Variants in MDN1 observed in about 807,000 individuals in gnomAD.
The protein encoded by MDN1 is midasin.
In MDN1, 266 loss-of-function variants were observed where a neutral mutation model predicts 669.2. The ratio of observed to expected loss-of-function variants is 0.40; its 90% confidence interval spans 0.36 to 0.44. MDN1 has a LOEUF of 0.44. Among genes scored for constraint, MDN1 ranks in the 20% least tolerant of loss-of-function variants. The pLI is 1.00. For missense variants in MDN1, 5,940 were observed against 6,754.0 expected (o/e 0.88, Z 4.22); for synonymous variants, 2,385 against 2,457.1 (o/e 0.97, Z 0.87).
chr6:89,768,842 G>C (rs1000078267), intron 15 of MDN1, among the ~76,000 whole-genome samples: 6 of 152,128 alleles, frequency 3.9e-5, no homozygotes, highest in Non-Finnish European at 1.5e-5. Flanking sequence ...GATTCCTTGA[G>C]TTCAGAAGTT....
intron 9 of MDN1, among the ~76,000 whole-genome samples, chr6:89,783,913 C>T (rs1383332993): frequency 2.0e-5 from 3 of 149,860 alleles, no homozygotes; most frequent in Non-Finnish European, 4.4e-5. Context: ...ATATGGGAGG[C>T]GGAGGTTGCA....
intron 97 of MDN1, among the ~76,000 whole-genome samples, chr6:89,649,296 T>C (rs1404745367): frequency 6.6e-6 from 1 of 152,220 alleles, no homozygotes; most frequent in African/African-American, 2.4e-5. Flanking sequence ...CTTGTAAATA[T>C]ATATATTCCT....
chr6:89,648,694 C>CCCACATCTGTG (rs1439148492), intron 97 of MDN1, among the ~76,000 whole-genome samples: 3 of 151,958 alleles, frequency 2.0e-5, no homozygotes, highest in African/African-American at 7.3e-5. Flanking sequence ...ACAGCAAGAC[C>CCCACATCTGTG]CCACATCTGT....
rs770333969 is a variant in MDN1 at position 89,692,583 on chromosome 6, C to A, written c.10447G>T (p.Glu3483Ter). Residue 3483 changes from glutamate to a stop codon, truncating the protein, a stop_gained, in exon 63 of 102, where the codon GAG becomes TAG. Coordinates refer to ENST00000369393, the MANE Select transcript of MDN1 (RefSeq NM_014611.3). LOFTEE classifies it high-confidence loss of function. ...GCTTTCTGGCCCTTGCCTTCCAGCT[C>A]CTTTCCTCCTGAGCGCTTGAGGATT... is the stretch of plus-strand genomic sequence containing the variant. Reference protein sequence around the residue: ...KLILKRSGGKELEGKGQKACP... With the variant: ...KLILKRSGGK 1 of 1,614,264 alleles carries A rather than the reference C, an allele frequency of 6.2e-7. No individual in the cohort carries two copies. Among genetic ancestry groups the A allele is most frequent in the East Asian group, 2.2e-5 (1 of 44,888 alleles).
intron 21 of MDN1, 109 bp from the exon 22 acceptor site, chr6:89,753,731 T>A (rs1042006930): frequency 4.6e-6 from 4 of 874,414 alleles, no homozygotes; most frequent in Non-Finnish European, 5.6e-6. Context: ...TTCCCAACTT[T>A]TAAATATAGT....
At chr6:89,737,785 G>A (rs752560892) in intron 33 of MDN1, among the ~76,000 whole-genome samples, 7 of 148,886 alleles carry the variant, frequency 4.7e-5, no homozygotes, top group East Asian at 4.0e-4. Context: ...GTGCAATGGC[G>A]CGATCTTGGA....
intron 61 of MDN1, among the ~76,000 whole-genome samples, chr6:89,694,602 G>A (rs1812605660): frequency 6.6e-6 from 1 of 151,922 alleles, no homozygotes; most frequent in South Asian, 2.1e-4. Flanking sequence ...GGAGTGCAGT[G>A]GTGCAGTCAT....
chr6:89,755,241 C>G (rs1445273210), intron 20 of MDN1, among the ~76,000 whole-genome samples: 1 of 152,026 alleles, frequency 6.6e-6, no homozygotes, highest in Non-Finnish European at 1.5e-5. Context: ...GTTGACTAAT[C>G]TATTTAATAC....
chr6:89,698,270 T>C lies in MDN1; in HGVS notation c.9168+595A>G, dbSNP rs1282552396. Among the ~76,000 whole-genome samples, 4 of 152,344 alleles carry C rather than the reference T, an allele frequency of 2.6e-5. No individual in the cohort carries two copies. In the South Asian group the frequency reaches 8.3e-4, roughly 32 times the overall value. ...ATTCAATTCTAATTCTAACAACTTA[T>C]GCATAGAAATGCTCCAACAAGTGGA... On this transcript the variant is annotated intron_variant, in intron 59 of 101. Transcript: ENST00000369393.
intron 95 of MDN1, among the ~76,000 whole-genome samples, chr6:89,651,323 T>TAA (rs1808845365): frequency 4.5e-5 from 1 of 22,022 alleles, no homozygotes; most frequent in African/African-American, 2.4e-4. Flanking sequence ...AGATTCCGTC[T>TAA]CAAAAAAAAA....
rs531699703 is a variant in MDN1, at chr6:89,781,411, T to C, written c.1631A>G (p.Glu544Gly). The C allele has an allele frequency of 6.2e-7, 1 of 1,613,848 alleles. No homozygotes were observed. Among genetic ancestry groups the C allele is most frequent in the African/African-American group, 1.3e-5 (1 of 74,984 alleles). The change falls in exon 10 of 102, where the codon GAA (glutamate) becomes GGA (glycine). Residue 544 changes from glutamate to glycine, a missense_variant. Physicochemically the swap from Glu to Gly is moderately conservative, Grantham distance 98. Transcript: ENST00000369393. Reference protein sequence around the residue: ...ENKRPTLEGRELSLRDLLNWC... With the variant: ...ENKRPTLEGRGLSLRDLLNWC... ...TTTAGTCCAGTACCTTAGAGATAAT[T>C]CTCTTCCCTCAAGGGTTGGTCTTTT...
intron 2 of MDN1, chr6:89,797,673 CA>C: frequency 2.1e-6 from 1 of 479,330 alleles, no homozygotes. Context: ...ACAAGTTTTT[CA>C]AAGTCTACCA....
At chr6:89,775,273 CACA>C (rs879552301) in intron 12 of MDN1, among the ~76,000 whole-genome samples, 6 of 152,132 alleles carry the variant, frequency 3.9e-5, no homozygotes, top group Non-Finnish European at 8.8e-5. Context: ...TGAGTCCTTC[CACA>C]ACAAGAGAGG....
rs972804154 is a variant in MDN1, at chr6:89,698,424, A to C, written c.9168+441T>G. ...AATTCAAGCACATTGATACAATGGA[A>C]TAACTTTTAAAAATAAGCTGGAATG... On this transcript the variant is annotated intron_variant, in intron 59 of 101. Transcript: ENST00000369393. Among the ~76,000 whole-genome samples the C allele has an allele frequency of 5.3e-5, 8 of 152,252 alleles. No individual in the cohort carries two copies. In the East Asian group the frequency reaches 1.5e-3, roughly 29 times the overall value.
chr6:89,745,100 T>G, intron 29 of MDN1, among the ~76,000 whole-genome samples, 173 bp downstream of exon 29: 1 of 102,546 alleles, frequency 9.8e-6, no homozygotes, highest in Non-Finnish European at 1.8e-5. Flanking sequence ...ATGCTATCCC[T>G]CCCCCAGCCC....
intron 46 of MDN1, among the ~76,000 whole-genome samples, chr6:89,714,016 G>A (rs1486904558): frequency 2.0e-5 from 3 of 150,590 alleles, no homozygotes; most frequent in African/African-American, 7.3e-5. Context: ...TCCAGCCTGG[G>A]CGACAGAGTG....
rs1480622837 is a variant in MDN1, at chr6:89,708,696, G to A, written c.7766-68C>T. The A allele has an allele frequency of 9.1e-6, 14 of 1,531,338 alleles. No individual in the cohort carries two copies. The African/African-American group carries it at 1.4e-4, about 15-fold the overall frequency. The allele number at this position is 1,531,338 out of a possible 1,614,324, so 94.9% of individuals were successfully genotyped here. A position where few individuals can be genotyped will look rare whatever the true frequency, so the allele number is the denominator to read the frequency against. On this transcript the variant is annotated intron_variant, in intron 50 of 101. Coordinates refer to ENST00000369393, the MANE Select transcript of MDN1 (RefSeq NM_014611.3). ...GAAACTCCTTGCCTGGGAAGTTTCAGTTGAATATTTTCATTGTTTTACTTT... is the reference window on the plus strand; with the variant it reads ...GAAACTCCTTGCCTGGGAAGTTTCAATTGAATATTTTCATTGTTTTACTTT...
At chr6:89,793,226 G>A (rs1259153474) in intron 5 of MDN1, among the ~76,000 whole-genome samples, 2 of 152,170 alleles carry the variant, frequency 1.3e-5, no homozygotes, top group Non-Finnish European at 2.9e-5. Flanking sequence ...CTAGACCTAG[G>A]CCTGTCTTTG....
chr6:89,682,715 A>C (rs867802141), intron 73 of MDN1, among the ~76,000 whole-genome samples: 802 of 77,518 alleles, frequency 0.01, 17 homozygotes, highest in African/African-American at 0.037. Context: ...AAAAAAAAAA[A>C]AAAAAAAAAA....
Sources: gnomAD v4.1 joint callset for allele counts (sites outside exome capture counted in the v4.1 genomes callset) on GRCh38, gnomAD v4.1.1 for gene constraint, MANE v1.5 for transcripts, NCBI Gene and HGNC (gene_info 2026-07-23, HGNC 2026-07-21) for gene names.